The following HECTD4 variants were observed in gnomAD, a reference collection of about 807,000 sequenced individuals.
HECTD4 encodes the protein HECT domain E3 ubiquitin protein ligase 4.
A neutral mutation model predicts 471.5 loss-of-function variants in HECTD4; 114 were observed. The ratio of observed to expected loss-of-function variants is 0.24; its 90% CI spans 0.21 to 0.28. The LOEUF is 0.28. HECTD4 is among the 10% of genes least tolerant of loss of function. The pLI is 1.00. For missense variants in HECTD4, 3,866 were observed against 5,651.5 expected (o/e 0.68, Z 10.13); for synonymous variants, 2,012 against 2,256.0 (o/e 0.89, Z 3.07).
Position 112,266,129 on chromosome 12 carries a change from C to T in HECTD4, c.2393-146G>A, listed in dbSNP as rs1024790936. On this transcript the variant is annotated intron_variant, in intron 14 of 75. Coordinates refer to ENST00000682272, the MANE Select transcript of HECTD4 (RefSeq NM_001388303.1). ...CTTATACAAATAAGAGTGGCAAAAA[C>T]GACATCACAACGAATCCGACTTTTT... 3.3e-5 allele frequency: 20 copies of T among 601,954 alleles called. 1 individual carries two copies. Among genetic ancestry groups the T allele is most frequent in the Middle Eastern group, 6.1e-4 (2 of 3,266 alleles). The allele number at this position is 601,954 out of a possible 1,614,324, so 37.3% of individuals were successfully genotyped here.
intron 1 of HECTD4, among the ~76,000 whole-genome samples, chr12:112,346,127 C>T (rs1181187842): frequency 2.6e-5 from 4 of 152,138 alleles, no homozygotes; most frequent in East Asian, 1.9e-4. Context: ...GAGAAAACTG[C>T]GGGTTTAGAA....
rs764355037 is a variant in HECTD4, at chr12:112,270,404, C to T, written c.1998G>A (p.Ala666=). ...GAAGATTGAGTTGGTGTATGCACAT[C>T]GCACCAACGTGGTGCAATAATTGGT... ...VINQLLHHVG[A]MCIHQLNLLA... Residue 666 remains alanine, a synonymous_variant, in exon 12 of 76, where the codon GCG becomes GCA. Transcript: ENST00000682272. The T allele has an allele frequency of 8.7e-6, 14 of 1,613,848 alleles. No individual in the cohort carries two copies. Among genetic ancestry groups the T allele is most frequent in the Middle Eastern group, 3.3e-4 (2 of 6,084 alleles).
intron 22 of HECTD4, among the ~76,000 whole-genome samples, chr12:112,252,938 T>C (rs1247137474): frequency 1.3e-5 from 2 of 151,946 alleles, no homozygotes; most frequent in Non-Finnish European, 1.5e-5. Flanking sequence ...GCCTCCTGAA[T>C]AGCTGGAACT....
chr12:112,196,947 C>T (rs917698503), intron 55 of HECTD4, among the ~76,000 whole-genome samples: 16 of 152,114 alleles, frequency 1.1e-4, no homozygotes, highest in African/African-American at 3.9e-4. Flanking sequence ...AGGCGTGTGC[C>T]ACCATGCCTG....
rs3031822 is a variant in HECTD4, at chr12:112,367,306, AAAAGAAAGAAAGAAAGAAAGAAAG to A, written c.177+14622_177+14645del. Among the ~76,000 whole-genome samples, 8 of 133,890 alleles carry A rather than the reference AAAAGAAAGAAAGAAAGAAAGAAAG, an allele frequency of 6.0e-5. No individual in the cohort carries two copies. The South Asian group carries it at 1.4e-3, about 23-fold the overall frequency. The allele number at this position is 133,890 out of a possible 152,430, so 87.8% of individuals were successfully genotyped here. A position where few individuals can be genotyped will look rare whatever the true frequency, so the allele number is the denominator to read the frequency against. ...AGAGTAAGACTTGGTCTCAAAAAAA[AAAAGAAAGAAAGAAAGAAAGAAAG>A]AAAGAAAGAAAGAAAGAAAACAAAA... On this transcript the variant is annotated intron_variant, in intron 1 of 75. Transcript: ENST00000682272.
intron 67 of HECTD4, 99 bp downstream of exon 67, chr12:112,172,572 G>T: frequency 8.2e-7 from 1 of 1,218,278 alleles, no homozygotes; most frequent in Non-Finnish European, 1.2e-6. Flanking sequence ...GTGTTCGTTC[G>T]ATGGACGTCT....
intron 34 of HECTD4, 54 bp from the exon 35 acceptor site, chr12:112,237,152 G>A (rs2033529764): frequency 2.7e-6 from 4 of 1,491,200 alleles, no homozygotes. Context: ...AGGGTGCCAT[G>A]GTGAGCCTGA....
At chr12:112,303,680 T>C (rs1200017615) in intron 7 of HECTD4, among the ~76,000 whole-genome samples, 2 of 151,596 alleles carry the variant, frequency 1.3e-5, no homozygotes, top group African/African-American at 2.4e-5. Flanking sequence ...TGAAACCCTG[T>C]CTCTACAAAA....
At chr12:112,231,023 G>A in intron 39 of HECTD4, 1 of 545,304 alleles carries the variant, frequency 1.8e-6, no homozygotes, top group Non-Finnish European at 3.2e-6. Context: ...CTGAAGAACT[G>A]CCTCAAACAA....
At chr12:112,374,345 A>T (rs1406179651) in intron 1 of HECTD4, among the ~76,000 whole-genome samples, 1 of 152,232 alleles carries the variant, frequency 6.6e-6, no homozygotes, top group Admixed American at 6.5e-5. Flanking sequence ...GTTTAAAAAA[A>T]GGTATGGAAT....
chr12:112,167,270 G>A lies in HECTD4; in HGVS notation c.12534+47C>T, dbSNP rs199651364. ...CATGGAGGCCTAAGCAAGGTGGCGG[G>A]GAGGCCCCGGGTTCTGCAGCCCCCC... On this transcript the variant is annotated intron_variant, in intron 72 of 75. Transcript: ENST00000682272. The A allele has an allele frequency of 5.1e-4, 783 of 1,526,232 alleles. 3 individuals carry two copies. Among genetic ancestry groups the A allele is most frequent in the Middle Eastern group, 2.1e-3 (12 of 5,736 alleles). The allele number at this position is 1,526,232 out of a possible 1,614,324, so 94.5% of individuals were successfully genotyped here.
In HECTD4 at chr12:112,177,912, G is replaced by C. The variant is rs146661149; in HGVS notation, c.11363+1019C>G. On this transcript the variant is annotated intron_variant, in intron 64 of 75. Coordinates refer to ENST00000682272, the MANE Select transcript of HECTD4 (RefSeq NM_001388303.1). ...AGCTTCAAGGCTTAAGAATGGTCCGGAGGAAGAGTGGCTTTTCACTGCATC... is the reference window on the plus strand; with the variant it reads ...AGCTTCAAGGCTTAAGAATGGTCCGCAGGAAGAGTGGCTTTTCACTGCATC... 4.6e-5 allele frequency among the ~76,000 whole-genome samples: 7 copies of C among 152,346 alleles called. No individual in the cohort carries two copies. In the East Asian group the frequency reaches 1.4e-3, roughly 29 times the overall value.
At chr12:112,313,852 T>C in intron 3 of HECTD4, among the ~76,000 whole-genome samples, 1 of 152,170 alleles carries the variant, frequency 6.6e-6, no homozygotes, top group East Asian at 1.9e-4. Context: ...GTGTGTAAAA[T>C]ATACTATTTT....
chr12:112,306,517 A>G (rs563412882), intron 6 of HECTD4, among the ~76,000 whole-genome samples: 67 of 152,376 alleles, frequency 4.4e-4, no homozygotes, highest in African/African-American at 1.5e-3. Context: ...AGTATTTACT[A>G]AACACTTTGA....
At chr12:112,203,444 A>G in intron 54 of HECTD4, 192 bp downstream of exon 54, 2 of 487,470 alleles carry the variant, frequency 4.1e-6, no homozygotes, top group Non-Finnish European at 7.2e-6. Flanking sequence ...ATCTACTGCC[A>G]GCCCTGATCT....
At chr12:112,378,223 C>CT (rs758665054) in intron 1 of HECTD4, among the ~76,000 whole-genome samples, 5 of 151,988 alleles carry the variant, frequency 3.3e-5, no homozygotes, top group Middle Eastern at 3.4e-3. Flanking sequence ...TTCTAAGACT[C>CT]TTTTTTTCTT....
intron 52 of HECTD4, 28 bp downstream of exon 52, chr12:112,207,846 C>T (rs373595352): frequency 1.3e-4 from 209 of 1,610,804 alleles, no homozygotes; most frequent in Non-Finnish European, 1.7e-4. Context: ...ATGAAGTAAC[C>T]TCCTTAGCAG....
At chr12:112,187,950 A>G (rs1281123013) in intron 60 of HECTD4, among the ~76,000 whole-genome samples, 1 of 151,840 alleles carries the variant, frequency 6.6e-6, no homozygotes, top group East Asian at 1.9e-4. Context: ...ACTAAATTTA[A>G]GTTTTAAAAA....
rs545373106 is a variant in HECTD4 at position 112,317,020 on chromosome 12, T to A, written c.695+2205A>T. On this transcript the variant is annotated intron_variant, in intron 2 of 75. Coordinates refer to ENST00000682272, the MANE Select transcript of HECTD4 (RefSeq NM_001388303.1). ...AAATGTGAGTTTTATGAACCAACAA[T>A]TAATAACTTAAACTGTTTGAAACTA... Among the ~76,000 whole-genome samples the A allele has an allele frequency of 2.0e-5, 3 of 152,328 alleles. No individual in the cohort carries two copies. The South Asian group carries it at 6.2e-4, about 32-fold the overall frequency.
Sources: gnomAD v4.1 joint callset for allele counts (sites outside exome capture counted in the v4.1 genomes callset) on GRCh38, gnomAD v4.1.1 for gene constraint, MANE v1.5 for transcripts, NCBI Gene and HGNC (gene_info 2026-07-23, HGNC 2026-07-21) for gene names.